GUCA1C: variants seen among roughly 807,000 people sequenced by gnomAD.
GUCA1C encodes guanylyl cyclase-activating protein 3.
A neutral mutation model predicts 16.2 loss-of-function variants in GUCA1C; 15 were observed. That is an observed-to-expected ratio of 0.93 (90% CI 0.62 to 1.43). The LOEUF (loss-of-function observed/expected upper bound fraction) is 1.43. Among genes scored for constraint, GUCA1C ranks in the 40% most tolerant of loss-of-function variants. The pLI is 0.00. For missense variants in GUCA1C, 275 were observed against 244.8 expected (o/e 1.12, Z -0.82); for synonymous variants, 78 against 85.4 (o/e 0.91, Z 0.48).
chr3:108,910,735 C>T (rs563242217), intron 3 of GUCA1C, among the ~76,000 whole-genome samples: 3 of 151,500 alleles, frequency 2.0e-5, no homozygotes, highest in Non-Finnish European at 2.9e-5. Context: ...CTGCAAGCTC[C>T]GCCTCCCGGG....
intron 1 of GUCA1C, among the ~76,000 whole-genome samples, chr3:108,926,696 G>C (rs527267886): frequency 6.6e-6 from 1 of 151,994 alleles, no homozygotes; most frequent in African/African-American, 2.4e-5. Flanking sequence ...TAGCTAGGAT[G>C]GTCTCGATCT....
At chr3:108,910,444 G>C (rs1946438675) in intron 3 of GUCA1C, among the ~76,000 whole-genome samples, 4 of 151,138 alleles carry the variant, frequency 2.6e-5, no homozygotes, top group Admixed American at 2.0e-4. Context: ...GTTGCAGTGA[G>C]CCGAGATGGC....
At position 108,953,684 on chromosome 3, in the gene GUCA1C, T is replaced by C. The variant is rs1946922108; in HGVS notation, c.79A>G (p.Met27Val). 1 of 1,612,718 alleles carries C rather than the reference T, an allele frequency of 6.2e-7. No homozygotes were observed. Among genetic ancestry groups the C allele is most frequent in the East Asian group, 2.2e-5 (1 of 44,860 alleles). Residue 27 changes from methionine (M) to valine (V), a missense_variant, in exon 1 of 4, where the codon ATG becomes GTG. Transcript: ENST00000261047. ...QETHVWYRTF[M>V]MEYPSGLQTL... The stretch of plus-strand genomic sequence containing the variant: ...TGCAGGCCGGATGGATATTCCATCA[T>C]AAATGTTCTGTACCACACATGGGTC...
In GUCA1C at chr3:108,915,226, C is replaced by T. The variant is rs1034971156; in HGVS notation, c.442+901G>A. Among the ~76,000 whole-genome samples the T allele has an allele frequency of 8.6e-5, 13 of 152,004 alleles. 1 individual carries two copies. In the East Asian group the frequency reaches 2.5e-3, roughly 29 times the overall value. ...TGTCTCTACTGCCCTCTTGTGTCCA[C>T]CAGAAGAAGTGATGCATGGTGGGCA... On this transcript the variant is annotated intron_variant, in intron 3 of 3. Coordinates refer to ENST00000261047, the MANE Select transcript of GUCA1C (RefSeq NM_005459.4).
chr3:108,943,511 A>G (rs1273900237), intron 1 of GUCA1C, among the ~76,000 whole-genome samples: 1 of 152,166 alleles, frequency 6.6e-6, no homozygotes, highest in African/African-American at 2.4e-5. Context: ...CCTCTGCATG[A>G]ATCAGGAGAT....
At chr3:108,920,820 A>G (rs1219861199) in intron 1 of GUCA1C, among the ~76,000 whole-genome samples, 1 of 152,172 alleles carries the variant, frequency 6.6e-6, no homozygotes, top group Non-Finnish European at 1.5e-5. Context: ...GTGTAGTTTT[A>G]GGCTCACAGC....
At chr3:108,943,242 G>A (rs908673292) in intron 1 of GUCA1C, among the ~76,000 whole-genome samples, 2 of 152,090 alleles carry the variant, frequency 1.3e-5, no homozygotes, top group African/African-American at 4.8e-5. Flanking sequence ...GGGAGTGGGG[G>A]CGCTGATATG....
At chr3:108,949,325 T>C (rs993797487) in intron 1 of GUCA1C, among the ~76,000 whole-genome samples, 3 of 152,066 alleles carry the variant, frequency 2.0e-5, no homozygotes, top group Non-Finnish European at 2.9e-5. Context: ...CAGACCATGG[T>C]GTCAATCTGA....
At chr3:108,910,430 G>A (rs1404331517) in intron 3 of GUCA1C, among the ~76,000 whole-genome samples, 3 of 151,368 alleles carry the variant, frequency 2.0e-5, no homozygotes, top group Non-Finnish European at 2.9e-5. Flanking sequence ...CCCGGGAGGC[G>A]GAGGTTGCAG....
chr3:108,931,480 G>C (rs1486950505), intron 1 of GUCA1C, among the ~76,000 whole-genome samples: 1 of 152,180 alleles, frequency 6.6e-6, no homozygotes, highest in Non-Finnish European at 1.5e-5. Context: ...ACTTTTGTAA[G>C]CAAAACATTT....
chr3:108,915,990 G>T, intron 3 of GUCA1C, 137 bp downstream of exon 3: 2 of 877,564 alleles, frequency 2.3e-6, no homozygotes, highest in Non-Finnish European at 3.5e-6. Flanking sequence ...GAGAACATTG[G>T]ATTGGTCCCA....
At chr3:108,926,540 G>C (rs972303768) in intron 1 of GUCA1C, among the ~76,000 whole-genome samples, 1 of 152,224 alleles carries the variant, frequency 6.6e-6, no homozygotes, top group East Asian at 1.9e-4. Flanking sequence ...GAGTGCAGTG[G>C]CGTAATCTCA....
intron 1 of GUCA1C, among the ~76,000 whole-genome samples, chr3:108,929,645 C>T (rs1015451289): frequency 6.6e-6 from 1 of 152,010 alleles, no homozygotes; most frequent in African/African-American, 2.4e-5. Context: ...AAAATGTTTA[C>T]TTCTTATGCC....
intron 1 of GUCA1C, among the ~76,000 whole-genome samples, chr3:108,948,246 T>G (rs1300877665): frequency 1.3e-5 from 2 of 152,184 alleles, no homozygotes; most frequent in Non-Finnish European, 2.9e-5. Flanking sequence ...GGTTCTCCCC[T>G]TGCTGTTCTC....
At chr3:108,937,258 T>C (rs925743209) in intron 1 of GUCA1C, among the ~76,000 whole-genome samples, 1 of 152,138 alleles carries the variant, frequency 6.6e-6, no homozygotes, top group African/African-American at 2.4e-5. Flanking sequence ...GTAGCTGCAT[T>C]ATAGGCCAGA....
chr3:108,927,431 TC>T (rs1233784962), intron 1 of GUCA1C, among the ~76,000 whole-genome samples: 27 of 133,930 alleles, frequency 2.0e-4, no homozygotes, highest in Non-Finnish European at 3.7e-4. Flanking sequence ...TTTTTTTAAT[TC>T]TTTTTTTTTT....
intron 3 of GUCA1C, among the ~76,000 whole-genome samples, chr3:108,909,072 T>C (rs1173178009): frequency 6.6e-6 from 1 of 152,200 alleles, no homozygotes; most frequent in African/African-American, 2.4e-5. Context: ...CAACAGGGAC[T>C]GAAGTCAGGT....
chr3:108,944,027 G>A (rs929332615), intron 1 of GUCA1C, among the ~76,000 whole-genome samples: 8 of 151,878 alleles, frequency 5.3e-5, no homozygotes, highest in African/African-American at 1.7e-4. Context: ...AGCATATAAA[G>A]TCTGTGGACA....
chr3:108,934,808 C>CTTTTTTTTTTTTTTTTTTT (rs71629371), intron 1 of GUCA1C, among the ~76,000 whole-genome samples: 3 of 86,110 alleles, frequency 3.5e-5, no homozygotes, highest in Non-Finnish European at 6.0e-5. Context: ...TGTTCTTGAT[C>CTTTTTTTTTTTTTTTTTTT]TTTTTTTTTT....
Sources: allele counts gnomAD v4.1 joint callset (sites outside exome capture counted in the v4.1 genomes callset), GRCh38; gene constraint gnomAD v4.1.1; transcripts MANE v1.5; gene names NCBI Gene and HGNC (gene_info 2026-07-23, HGNC 2026-07-21).